The following PLOD1 variants were observed in gnomAD, a reference collection of about 807,000 sequenced individuals.
PLOD1 encodes lysine hydroxylase.
Under a neutral mutation model 94.7 loss-of-function variants are expected in PLOD1, and 70 were observed. The observed-to-expected ratio is 0.74, with a 90% confidence interval of 0.61 to 0.90. The LOEUF is 0.90. Ranked by LOEUF, PLOD1 falls within the 40% of genes least tolerant of loss-of-function variation. The pLI, the probability that PLOD1 is intolerant of heterozygous loss-of-function variation, is 0.00. For synonymous variants in PLOD1, 417 were observed against 400.2 expected, an observed-to-expected ratio of 1.04 and a Z score of -0.50; for missense variants, 905 against 972.7, an observed-to-expected ratio of 0.93 and a Z score of 0.93.
Position 11,957,114 on chromosome 1 carries a change from T to A in PLOD1, c.741+100T>A. 1 of 825,642 alleles carries A rather than the reference T, an allele frequency of 1.2e-6. No homozygotes were observed. The highest frequency in any genetic ancestry group is 2.2e-6 in the Non-Finnish European group (1 of 461,590). 51.1% of individuals were successfully genotyped at this position (825,642 alleles called of 1,614,324 possible). The stretch of plus-strand genomic sequence containing the variant: ...GTGTCTCCCTGGGGCCAGGGCCACC[T>A]TCCTGGGGCCTGCTATGAACTCACT... On this transcript the variant is annotated intron_variant, in intron 7 of 18. Transcript: ENST00000196061. This position sits in a 1 kb window ranked among gnomAD's most constrained non-coding sequence, Gnocchi z 4.1.
In PLOD1 at chr1:11,967,687, G is replaced by T. The variant is rs563618284; in HGVS notation, c.1755+596G>T. 1.6e-4 allele frequency among the ~76,000 whole-genome samples: 21 copies of T among 134,334 alleles called. No homozygotes were observed. In the South Asian group the frequency reaches 4.5e-3, roughly 29 times the overall value. 88.1% of individuals were successfully genotyped at this position (134,334 alleles called of 152,430 possible). Reference sequence around the variant, plus strand: ...TTTTTAAATAATAGAGACGGGGTCTGGCTGTGTTGCCCAGGCTGGTTGTGA... The same window carrying T: ...TTTTTAAATAATAGAGACGGGGTCTTGCTGTGTTGCCCAGGCTGGTTGTGA... On this transcript the variant is annotated intron_variant, in intron 16 of 18. Transcript: ENST00000196061.
At chr1:11,955,784 C>T (rs1366769223) in intron 6 of PLOD1, among the ~76,000 whole-genome samples, 1 of 152,026 alleles carries the variant, frequency 6.6e-6, no homozygotes, top group South Asian at 2.1e-4. Context: ...CCACCATGCC[C>T]GGCTAATTTT....
rs765725567 is a variant in PLOD1 at position 11,950,492 on chromosome 1, C to T, written c.438C>T (p.Ser146=). 31 of 1,614,006 alleles carry T rather than the reference C, an allele frequency of 1.9e-5. No individual in the cohort carries two copies. The Admixed American group carries it at 3.0e-4, about 16-fold the overall frequency. Reference sequence around the variant, plus strand: ...TGGAGACCAAGTATCCGGTGGTGTCCGATGGCAAGAGGTTCCTGGGCTCTG... The same window carrying T: ...TGGAGACCAAGTATCCGGTGGTGTCTGATGGCAAGAGGTTCCTGGGCTCTG... The part of the protein sequence containing the change: ...RRLETKYPVV[S]DGKRFLGSGG... Residue 146 remains serine (S), a synonymous_variant, in exon 4 of 19, where the codon TCC becomes TCT. Transcript: ENST00000196061.
At chr1:11,941,308 C>T (rs903979736) in intron 1 of PLOD1, among the ~76,000 whole-genome samples, 15 of 150,748 alleles carry the variant, frequency 1.0e-4, no homozygotes, top group African/African-American at 3.7e-4. Context: ...AGTGGCACCA[C>T]AAAAGTACAA....
chr1:11,938,230 C>A (rs946020880), intron 1 of PLOD1, among the ~76,000 whole-genome samples: 2 of 152,112 alleles, frequency 1.3e-5, no homozygotes, highest in African/African-American at 4.8e-5. Context: ...GGATTACAGG[C>A]CTGAGCCACC....
At chr1:11,954,183 GTAGC>G in intron 5 of PLOD1, 9 of 140,344 alleles carry the variant, frequency 6.4e-5, no homozygotes, top group South Asian at 3.7e-4. Flanking sequence ...AATATTTGGA[GTAGC>G]GGCCAGGTGC....
chr1:11,966,048 C>T (rs1645814699), intron 14 of PLOD1, among the ~76,000 whole-genome samples: 1 of 152,140 alleles, frequency 6.6e-6, no homozygotes, highest in African/African-American at 2.4e-5. Context: ...CACAAGCACA[C>T]ACATGTACAT....
intron 10 of PLOD1, 29 bp downstream of exon 10, chr1:11,960,796 T>A (rs757083515): frequency 6.2e-6 from 10 of 1,611,564 alleles, no homozygotes; most frequent in Non-Finnish European, 8.5e-6. Flanking sequence ...TACTCTCCAC[T>A]GACAGTGGGG....
intron 18 of PLOD1, among the ~76,000 whole-genome samples, chr1:11,973,373 A>G (rs6541011): frequency 0.57 from 86,227 of 151,560 alleles, 26,298 homozygotes; most frequent in African/African-American, 0.78. Context: ...GGTAGCACAC[A>G]CCTGTAATCT....
At chr1:11,968,236 G>A (rs911051132) in intron 16 of PLOD1, among the ~76,000 whole-genome samples, 4 of 151,964 alleles carry the variant, frequency 2.6e-5, no homozygotes, top group African/African-American at 9.7e-5. Context: ...TTACAGGCGT[G>A]AGCCACCGTG....
rs1645894727 is a variant in PLOD1, at chr1:11,975,063, AG to A, written c.*256del. On this transcript the variant is annotated 3_prime_UTR_variant, in exon 19 of 19. Coordinates refer to ENST00000196061, the MANE Select transcript of PLOD1 (RefSeq NM_000302.4). ...ACACCATTCACTTTTACTGCTTTGT[AG>A]TGACTCGTGCTCTCCAACCTGTCTT... 1.8e-6 allele frequency: 1 copy of A among 558,524 alleles called. No homozygotes were observed. The highest frequency in any genetic ancestry group is 3.2e-6 in the Non-Finnish European group (1 of 312,034). The allele number at this position is 558,524 out of a possible 1,614,324, so 34.6% of individuals were successfully genotyped here. A position where few individuals can be genotyped will look rare whatever the true frequency, so the allele number is the denominator to read the frequency against.
chr1:11,966,081 A>G (rs1357950710), intron 14 of PLOD1, among the ~76,000 whole-genome samples, 170 bp from the exon 15 acceptor site: 2 of 152,012 alleles, frequency 1.3e-5, no homozygotes, highest in Admixed American at 6.6e-5. Flanking sequence ...ACCACCTCCT[A>G]TGGGCACACC....
Position 11,934,866 on chromosome 1 carries a change from G to T in PLOD1, c.76+11G>T. 6.5e-7 allele frequency: 1 copy of T among 1,535,574 alleles called. No individual in the cohort carries two copies. On this transcript the variant is annotated intron_variant, in intron 1 of 18. Transcript: ENST00000196061. Reference sequence around the variant, plus strand: ...ACGCCAAGCCGGAGGGTGAGGGAGCGAAGGCCGGGGGCGGGAGCGCGGATC... The same window carrying T: ...ACGCCAAGCCGGAGGGTGAGGGAGCTAAGGCCGGGGGCGGGAGCGCGGATC...
intron 1 of PLOD1, among the ~76,000 whole-genome samples, chr1:11,940,899 C>T (rs1428866477): frequency 3.9e-5 from 6 of 152,224 alleles, no homozygotes; most frequent in Non-Finnish European, 1.5e-5. Context: ...CTGCAGAGGC[C>T]AGAGAGAAGG....
chr1:11,964,674 C>T lies in PLOD1; in HGVS notation c.1359C>T (p.Asn453=), dbSNP rs1261231011. Residue 453 remains asparagine, a synonymous_variant, in exon 13 of 19, where the codon AAC becomes AAT. Transcript: ENST00000196061. The stretch of plus-strand genomic sequence containing the variant: ...TCTGGAATGTGCCCTATATTTCAAA[C>T]ATCTACTTGATCAAGGGCAGTGCCC... ...VGVWNVPYIS[N]IYLIKGSALR... is the part of the protein sequence containing the mutation. 5.0e-6 allele frequency: 8 copies of T among 1,612,688 alleles called. No homozygotes were observed. In the African/African-American group the frequency reaches 9.3e-5, roughly 19 times the overall value.
chr1:11,970,208 G>A (rs553490590), intron 16 of PLOD1, among the ~76,000 whole-genome samples: 5 of 152,118 alleles, frequency 3.3e-5, no homozygotes, highest in South Asian at 4.2e-4. Context: ...CTGAAATGAC[G>A]CCATTGCACT....
At chr1:11,970,183 G>A (rs539563021) in intron 16 of PLOD1, among the ~76,000 whole-genome samples, 17 of 152,290 alleles carry the variant, frequency 1.1e-4, no homozygotes, top group African/African-American at 3.4e-4. Context: ...CTCAGGCGGT[G>A]GAGGTTGCAG....
chr1:11,963,605 A>G lies in PLOD1; in HGVS notation c.1171A>G (p.Asn391Asp), dbSNP rs376235626. The change falls in exon 11 of 19, where the codon AAC becomes GAC. Residue 391 changes from asparagine (N) to aspartate (D), a missense_variant. Physicochemically the swap from Asn to Asp is conservative, Grantham distance 23 (BLOSUM62 1). Coordinates refer to ENST00000196061, the MANE Select transcript of PLOD1 (RefSeq NM_000302.4). This position sits in a 1 kb window ranked among gnomAD's most constrained non-coding sequence, Gnocchi z 4.3. ...VDADVALTEP[N>D]SLRLLIQQNK... ...TGCTGACGTGGCCCTGACCGAGCCC[A>G]ACAGCCTGCGGCTGCTGATCCAACA... The G allele has an allele frequency of 4.3e-5, 69 of 1,601,510 alleles. No individual in the cohort carries two copies. Among genetic ancestry groups the G allele is most frequent in the Non-Finnish European group, 5.7e-5 (67 of 1,174,844 alleles).
In PLOD1 at chr1:11,963,524, C is replaced by G. The variant is rs759962295; in HGVS notation, c.1098-8C>G. 7.0e-6 allele frequency: 11 copies of G among 1,580,136 alleles called. No homozygotes were observed. The East Asian group carries it at 2.0e-4, about 29-fold the overall frequency. ...AGGTGCACTGACCCTGTGTCCTCCT[C>G]CTTGCAGAGACCTGTGCCGGCAGGA... On this transcript the variant is annotated splice_region_variant and splice_polypyrimidine_tract_variant and intron_variant, in intron 10 of 18. Transcript: ENST00000196061. The surrounding 1 kb of genome is among the most constrained non-coding windows in gnomAD (Gnocchi z 4.3).
Sources: gnomAD v4.1 joint callset for allele counts (sites outside exome capture counted in the v4.1 genomes callset) on GRCh38, gnomAD v4.1.1 for gene constraint, Gnocchi (gnomAD v3.1) non-coding constraint, MANE v1.5 for transcripts, NCBI Gene and HGNC (gene_info 2026-07-23, HGNC 2026-07-21) for gene names.